ADAMTSL1: variants seen among roughly 807,000 people sequenced by gnomAD.
ADAMTSL1 encodes the protein ADAMTS like 1.
In ADAMTSL1, 126 loss-of-function variants were observed where a neutral mutation model predicts 201.8. The ratio of observed to expected loss-of-function variants is 0.62; its 90% CI spans 0.54 to 0.72. The LOEUF (loss-of-function observed/expected upper bound fraction) is 0.72. ADAMTSL1 is among the 30% of genes least tolerant of loss of function. ADAMTSL1 has a pLI of 0.00. For missense variants in ADAMTSL1, 2,679 were observed against 2,277.8 expected (o/e 1.18, Z -3.59); for synonymous variants, 1,121 against 903.4 (o/e 1.24, Z -4.32).
Position 18,647,200 on chromosome 9 carries a change from G to A in ADAMTSL1, c.834+7789G>A, listed in dbSNP as rs1827872393. On this transcript the variant is annotated intron_variant, in intron 7 of 28. Coordinates refer to ENST00000380548, the MANE Select transcript of ADAMTSL1 (RefSeq NM_001040272.6). ...AGAGGTGCTTGTAGTATCCTCTGATGGTAGTTTGTATTTCTGTGGGATCGG... is the reference window on the plus strand; with the variant it reads ...AGAGGTGCTTGTAGTATCCTCTGATAGTAGTTTGTATTTCTGTGGGATCGG... 2.0e-5 allele frequency among the ~76,000 whole-genome samples: 3 copies of A among 152,166 alleles called. No homozygotes were observed. In the Middle Eastern group the frequency reaches 0.01, roughly 518 times the overall value.
intron 1 of ADAMTSL1, among the ~76,000 whole-genome samples, chr9:18,084,676 C>T (rs879928178): frequency 2.0e-5 from 3 of 152,008 alleles, no homozygotes; most frequent in Admixed American, 2.0e-4. Context: ...TTTCTGCTTC[C>T]TTTCCTTCCT....
intron 2 of ADAMTSL1, among the ~76,000 whole-genome samples, chr9:18,418,318 C>G (rs938660953): frequency 2.6e-5 from 4 of 152,142 alleles, no homozygotes; most frequent in African/African-American, 9.7e-5. Context: ...GCAGTGATGT[C>G]CAATCTCACT....
In ADAMTSL1 at chr9:18,777,329, T is replaced by C. The variant is rs760768402; in HGVS notation, c.3100T>C (p.Trp1034Arg). 4 of 1,601,538 alleles carry C rather than the reference T, an allele frequency of 2.5e-6. No homozygotes were observed. Among genetic ancestry groups the C allele is most frequent in the Non-Finnish European group, 3.4e-6 (4 of 1,174,324 alleles). The change falls in exon 19 of 29, where the codon TGG (tryptophan) becomes CGG (arginine). Residue 1034 changes from tryptophan (W) to arginine (R), a missense_variant. By Grantham distance (101) the Trp-to-Arg change is moderately radical. Transcript: ENST00000380548. Reference sequence around the variant, plus strand: ...CTCCCGGCTGCTGGAGCAGGGCGGCTGGCCCGGAGAGCTGCTGGCCTCGTG... The same window carrying C: ...CTCCCGGCTGCTGGAGCAGGGCGGCCGGCCCGGAGAGCTGCTGGCCTCGTG... Reference protein sequence around the residue: ...LVSRLLEQGGWPGELLASWEA... With the variant: ...LVSRLLEQGGRPGELLASWEA...
At chr9:17,933,312 T>C (rs1826872812) in intron 1 of ADAMTSL1, among the ~76,000 whole-genome samples, 1 of 152,102 alleles carries the variant, frequency 6.6e-6, no homozygotes, top group Non-Finnish European at 1.5e-5. Context: ...GTCAAATCGG[T>C]CTCTGCATCT....
At chr9:18,161,889 G>C (rs1827404651) in intron 1 of ADAMTSL1, among the ~76,000 whole-genome samples, 1 of 151,982 alleles carries the variant, frequency 6.6e-6, no homozygotes, top group South Asian at 2.1e-4. Flanking sequence ...ACCTCTTCTT[G>C]TTTAGTATTT....
Position 18,681,848 on chromosome 9 carries a change from G to A in ADAMTSL1, c.1378G>A (p.Val460Met). ...VTCGQGLRYR[V>M]VLCIDHRGMH... ...ATGTGGCCAGGGCCTCAGATACCGT[G>A]TGGTCCTCTGCATCGACCATCGAGG... The change falls in exon 12 of 29, where the codon GTG becomes ATG. Residue 460 changes from valine (V) to methionine (M), a missense_variant. Val to Met is a conservative substitution (Grantham distance 21). Coordinates refer to ENST00000380548, the MANE Select transcript of ADAMTSL1 (RefSeq NM_001040272.6). The A allele has an allele frequency of 6.2e-7, 1 of 1,613,948 alleles. No individual in the cohort carries two copies. Among genetic ancestry groups the A allele is most frequent in the Non-Finnish European group, 8.5e-7 (1 of 1,179,872 alleles).
chr9:18,222,251 A>G (rs1189185189), intron 2 of ADAMTSL1, among the ~76,000 whole-genome samples: 2 of 151,960 alleles, frequency 1.3e-5, no homozygotes, highest in East Asian at 3.9e-4. Flanking sequence ...ACTTTCTAAA[A>G]TTTCAAAACT....
chr9:18,831,265 A>G (rs1044506206), intron 23 of ADAMTSL1, among the ~76,000 whole-genome samples: 1 of 152,214 alleles, frequency 6.6e-6, no homozygotes, highest in African/African-American at 2.4e-5. Context: ...TATCTTGTTG[A>G]TCAGAATTAA....
At chr9:18,715,200 C>G (rs907650750) in intron 14 of ADAMTSL1, among the ~76,000 whole-genome samples, 1 of 149,372 alleles carries the variant, frequency 6.7e-6, no homozygotes, top group African/African-American at 2.5e-5. Context: ...CCCTCTCTCA[C>G]CACTCCTATT....
intron 2 of ADAMTSL1, among the ~76,000 whole-genome samples, chr9:18,461,849 G>A (rs1820819442): frequency 6.6e-6 from 1 of 152,028 alleles, no homozygotes; most frequent in Non-Finnish European, 1.5e-5. Flanking sequence ...ACATACATGG[G>A]GGAGATTGGT....
intron 3 of ADAMTSL1, among the ~76,000 whole-genome samples, chr9:18,535,474 G>A (rs1587488400): frequency 6.6e-6 from 1 of 152,024 alleles, no homozygotes. Context: ...ACATTTTCCT[G>A]TCTTCTTCTT....
At chr9:18,438,482 T>G (rs895119844) in intron 2 of ADAMTSL1, among the ~76,000 whole-genome samples, 1 of 152,010 alleles carries the variant, frequency 6.6e-6, no homozygotes, top group Non-Finnish European at 1.5e-5. Flanking sequence ...GTTTTTGCTT[T>G]GGTGTCAGCA....
chr9:18,415,066 T>G (rs1167187589), intron 2 of ADAMTSL1, among the ~76,000 whole-genome samples: 1 of 152,192 alleles, frequency 6.6e-6, no homozygotes. Flanking sequence ...TCAGACTGAT[T>G]CCAAGTAACT....
intron 21 of ADAMTSL1, among the ~76,000 whole-genome samples, chr9:18,823,994 AGAAAGAAAAGGAAGGAAGGAAG>A (rs1463310876): frequency 6.6e-6 from 1 of 152,004 alleles, no homozygotes; most frequent in Non-Finnish European, 1.5e-5. Flanking sequence ...CATCTCAATA[AGAAAGAAAAGGAAGGAAGGAAG>A]GAAAGAAGGA....
rs1436041487 is a variant in ADAMTSL1 at position 18,639,547 on chromosome 9, G to C, written c.834+136G>C. 6 of 995,218 alleles carry C rather than the reference G, an allele frequency of 6.0e-6. No individual in the cohort carries two copies. In the Admixed American group the frequency reaches 1.7e-4, roughly 28 times the overall value. The allele number at this position is 995,218 out of a possible 1,614,324, so 61.6% of individuals were successfully genotyped here. On this transcript the variant is annotated intron_variant, in intron 7 of 28. Coordinates refer to ENST00000380548, the MANE Select transcript of ADAMTSL1 (RefSeq NM_001040272.6). ...TTGTTACCCAGGAAATGTTTAATCT[G>C]AGGGTGTTGAGCTAGCTGCATCCTG...
chr9:18,415,264 A>C (rs749848611), intron 2 of ADAMTSL1, among the ~76,000 whole-genome samples: 37 of 152,330 alleles, frequency 2.4e-4, no homozygotes, highest in Non-Finnish European at 4.3e-4. Context: ...ATTGTCACAG[A>C]TGTTGAATTA....
intron 2 of ADAMTSL1, among the ~76,000 whole-genome samples, chr9:18,455,699 G>C (rs534323018): frequency 6.6e-6 from 1 of 152,010 alleles, no homozygotes. Flanking sequence ...AAAAGCAGTG[G>C]TTTTTAAACA....
At chr9:18,366,381 T>C (rs1836767657) in intron 2 of ADAMTSL1, among the ~76,000 whole-genome samples, 2 of 152,104 alleles carry the variant, frequency 1.3e-5, no homozygotes, top group African/African-American at 4.8e-5. Flanking sequence ...ATTTTTACCC[T>C]GTTTCTGTTC....
intron 5 of ADAMTSL1, among the ~76,000 whole-genome samples, chr9:18,633,462 A>G (rs1826905052): frequency 6.6e-6 from 1 of 151,944 alleles, no homozygotes; most frequent in African/African-American, 2.4e-5. Context: ...GCAGTGGCAG[A>G]AGTCTGTAAT....
Sources: gnomAD v4.1 joint callset for allele counts (sites outside exome capture counted in the v4.1 genomes callset) on GRCh38, gnomAD v4.1.1 for gene constraint, MANE v1.5 for transcripts, NCBI Gene and HGNC (gene_info 2026-07-23, HGNC 2026-07-21) for gene names.